GRIA1: variants seen among roughly 807,000 people sequenced by gnomAD.
The protein encoded by GRIA1 is glutamate ionotropic receptor AMPA type subunit 1, also known as glutamate receptor 1.
A neutral mutation model predicts 99.2 loss-of-function variants in GRIA1; 31 were observed. The ratio of observed to expected loss-of-function variants is 0.31; its 90% CI spans 0.23 to 0.42. The LOEUF (loss-of-function observed/expected upper bound fraction) is 0.42, where lower values mean the gene tolerates loss of function less well. GRIA1 is among the 10% of genes least tolerant of loss of function. The pLI, the probability that GRIA1 is intolerant of heterozygous loss-of-function variation, is 1.00. For missense variants in GRIA1, 782 were observed against 1,157.5 expected (o/e 0.68, Z 4.71); for synonymous variants, 438 against 432.4 (o/e 1.01, Z -0.16).
At position 153,747,325 on chromosome 5, in the gene GRIA1, G is replaced by A. The variant is rs148951398; in HGVS notation, c.1824-17109G>A. 6.0e-4 allele frequency among the ~76,000 whole-genome samples: 92 copies of A among 152,274 alleles called. No individual in the cohort carries two copies. In the East Asian group the frequency reaches 0.017, roughly 28 times the overall value. ...ACCAGCAGTTGCATGAACTGATGGAGCAAGAACTCACTCATTACCATAGGG... is the reference window on the plus strand; with the variant it reads ...ACCAGCAGTTGCATGAACTGATGGAACAAGAACTCACTCATTACCATAGGG... On this transcript the variant is annotated intron_variant, in intron 11 of 15. Coordinates refer to ENST00000285900, the MANE Select transcript of GRIA1 (RefSeq NM_000827.4).
chr5:153,495,848 G>C (rs1754362506), intron 2 of GRIA1, among the ~76,000 whole-genome samples: 1 of 152,142 alleles, frequency 6.6e-6, no homozygotes, highest in Non-Finnish European at 1.5e-5. Context: ...CTTTGGAAGG[G>C]GCATTTGGTT....
At chr5:153,724,055 A>C (rs1442580396) in intron 11 of GRIA1, among the ~76,000 whole-genome samples, 3 of 152,192 alleles carry the variant, frequency 2.0e-5, no homozygotes, top group African/African-American at 7.2e-5. Context: ...AAACTTCCAG[A>C]GGAACGATCA....
At chr5:153,705,010 T>C (rs1317184372) in intron 10 of GRIA1, among the ~76,000 whole-genome samples, 1 of 152,218 alleles carries the variant, frequency 6.6e-6, no homozygotes, top group Non-Finnish European at 1.5e-5. Flanking sequence ...AGGACTATCT[T>C]GGTTGCAGGA....
At position 153,611,250 on chromosome 5, in the gene GRIA1, G is replaced by A. The variant is rs898851242; in HGVS notation, c.221-35678G>A. Among the ~76,000 whole-genome samples, 5 of 152,234 alleles carry A rather than the reference G, an allele frequency of 3.3e-5. No homozygotes were observed. The South Asian group carries it at 1.0e-3, about 32-fold the overall frequency. ...CAATTATTAAATATTCATAAATTTT[G>A]CAAACTGATTGTTAAACCATTAGTA... is the stretch of plus-strand genomic sequence containing the variant. On this transcript the variant is annotated intron_variant, in intron 2 of 15. Transcript: ENST00000285900.
intron 2 of GRIA1, among the ~76,000 whole-genome samples, chr5:153,613,108 T>A (rs1421100384): frequency 6.6e-6 from 1 of 152,182 alleles, no homozygotes; most frequent in African/African-American, 2.4e-5. Flanking sequence ...AGCTCCTTTT[T>A]CTTTTCCTCC....
intron 2 of GRIA1, among the ~76,000 whole-genome samples, chr5:153,584,145 C>A (rs1029310821): frequency 2.0e-5 from 3 of 152,198 alleles, no homozygotes; most frequent in African/African-American, 4.8e-5. Context: ...TGGACAGGCA[C>A]CCCAGCTTCC....
chr5:153,693,592 TA>T (rs1757909530), intron 8 of GRIA1, among the ~76,000 whole-genome samples: 1 of 152,182 alleles, frequency 6.6e-6, no homozygotes, highest in African/African-American at 2.4e-5. Flanking sequence ...TTTCTCCACT[TA>T]AAAAATCTGA....
chr5:153,701,619 CAAAAA>C (rs70978504), intron 10 of GRIA1, among the ~76,000 whole-genome samples: 846 of 39,422 alleles, frequency 0.021, 41 homozygotes, highest in South Asian at 0.052. Context: ...AGACCCGTCT[CAAAAA>C]AAAAAAAAAA....
chr5:153,499,090 G>A (rs1451451127), intron 2 of GRIA1, among the ~76,000 whole-genome samples: 1 of 152,190 alleles, frequency 6.6e-6, no homozygotes, highest in Non-Finnish European at 1.5e-5. Flanking sequence ...GTGGCTGATG[G>A]TGGGATAAAC....
At chr5:153,579,676 G>A (rs998187413) in intron 2 of GRIA1, among the ~76,000 whole-genome samples, 6 of 152,114 alleles carry the variant, frequency 3.9e-5, no homozygotes, top group African/African-American at 1.4e-4. Flanking sequence ...CTCATCTATT[G>A]TTTTAATTTA....
rs1471383026 is a variant in GRIA1, at chr5:153,495,760, G to A, written c.220+1695G>A. Among the ~76,000 whole-genome samples, 3 of 152,136 alleles carry A rather than the reference G, an allele frequency of 2.0e-5. No individual in the cohort carries two copies. In the South Asian group the frequency reaches 6.2e-4, roughly 32 times the overall value. ...TAGTTCTATGAAACTATCTTTCTGG[G>A]AATCTAGAATAATACTGAGTAGCTA... On this transcript the variant is annotated intron_variant, in intron 2 of 15. Coordinates refer to ENST00000285900, the MANE Select transcript of GRIA1 (RefSeq NM_000827.4).
chr5:153,489,864 A>G (rs1270354543), upstream of GRIA1: 1 of 456,520 alleles, frequency 2.2e-6, no homozygotes, highest in East Asian at 7.0e-5. Flanking sequence ...TTTATTGTAC[A>G]CCCACACGAT....
chr5:153,707,320 A>G (rs1758968861), intron 11 of GRIA1, among the ~76,000 whole-genome samples: 1 of 152,184 alleles, frequency 6.6e-6, no homozygotes, highest in Non-Finnish European at 1.5e-5. Flanking sequence ...GAAAAGAGAA[A>G]GGGTGGACAG....
intron 13 of GRIA1, among the ~76,000 whole-genome samples, chr5:153,790,707 G>T (rs904433709): frequency 6.6e-6 from 1 of 152,110 alleles, no homozygotes; most frequent in African/African-American, 2.4e-5. Context: ...AAAGGAAGTT[G>T]CCAGCAGATG....
chr5:153,745,695 C>G (rs534056546), intron 11 of GRIA1, among the ~76,000 whole-genome samples: 1 of 151,296 alleles, frequency 6.6e-6, no homozygotes, highest in African/African-American at 2.4e-5. Flanking sequence ...AAAAATAAAG[C>G]CCATAATGCA....
chr5:153,791,272 C>CA (rs111735656), intron 13 of GRIA1, among the ~76,000 whole-genome samples: 11,907 of 125,422 alleles, frequency 0.095, 1,025 homozygotes, highest in African/African-American at 0.24. Context: ...TCATATCTAC[C>CA]AAAAAAAAAA....
At chr5:153,790,237 A>G (rs918770544) in intron 13 of GRIA1, among the ~76,000 whole-genome samples, 7 of 152,350 alleles carry the variant, frequency 4.6e-5, no homozygotes, top group South Asian at 4.1e-4. Flanking sequence ...ATACCCACGT[A>G]TTCTCTGAAG....
Position 153,655,886 on chromosome 5 carries a change from T to C in GRIA1, c.699+14T>C, listed in dbSNP as rs1030981292. 6.2e-7 allele frequency: 1 copy of C among 1,609,716 alleles called. No individual in the cohort carries two copies. The highest frequency in any genetic ancestry group is 8.5e-7 in the Non-Finnish European group (1 of 1,176,228). On this transcript the variant is annotated intron_variant, in intron 5 of 15. Coordinates refer to ENST00000285900, the MANE Select transcript of GRIA1 (RefSeq NM_000827.4). ...CTTGCAAATCTGGTGAGTAGAGCAC[T>C]GCAGGCTCTCAGCTCAAGTCCTTTC...
intron 2 of GRIA1, among the ~76,000 whole-genome samples, chr5:153,538,650 C>T (rs188986565): frequency 1.3e-4 from 20 of 152,206 alleles, no homozygotes; most frequent in Admixed American, 2.0e-4. Flanking sequence ...GAATTTGTTC[C>T]GCTTGAACTT....
Sources: allele counts gnomAD v4.1 joint callset (sites outside exome capture counted in the v4.1 genomes callset), GRCh38; gene constraint gnomAD v4.1.1; transcripts MANE v1.5; gene names NCBI Gene and HGNC (gene_info 2026-07-23, HGNC 2026-07-21).